Variants in STX17 observed in about 807,000 individuals in gnomAD.
STX17 encodes syntaxin 17.
A neutral mutation model predicts 35.9 loss-of-function variants in STX17; 29 were observed. The observed-to-expected ratio is 0.81, with a 90% CI of 0.60 to 1.10. The LOEUF is 1.10. Ranked by LOEUF, STX17 falls within the 50% of genes least tolerant of loss-of-function variation. The pLI, the probability that STX17 is intolerant of heterozygous loss-of-function variation, is 0.00. For missense variants in STX17, 312 were observed against 352.3 expected (o/e 0.89, Z 0.92); for synonymous variants, 92 against 118.3 (o/e 0.78, Z 1.44).
chr9:99,936,394 G>A (rs1198785529), intron 3 of STX17, among the ~76,000 whole-genome samples: 1 of 152,126 alleles, frequency 6.6e-6, no homozygotes, highest in East Asian at 1.9e-4. Flanking sequence ...AATTAAGTCT[G>A]TAATGGTATC....
chr9:99,937,516 G>T (rs1037491247), intron 3 of STX17, among the ~76,000 whole-genome samples: 2 of 152,174 alleles, frequency 1.3e-5, no homozygotes, highest in African/African-American at 4.8e-5. Flanking sequence ...CTTAACAGCA[G>T]TGTCTAGTCT....
chr9:99,926,009 T>C (rs1828978397), intron 2 of STX17, among the ~76,000 whole-genome samples: 1 of 152,092 alleles, frequency 6.6e-6, no homozygotes, highest in African/African-American at 2.4e-5. Flanking sequence ...TTAATTTATT[T>C]TCAACTTATT....
intron 2 of STX17, among the ~76,000 whole-genome samples, chr9:99,927,880 T>C (rs1053535524): frequency 2.6e-4 from 40 of 152,236 alleles, no homozygotes; most frequent in African/African-American, 9.6e-4. Flanking sequence ...TTTACCAAAT[T>C]TTAAGAATGT....
chr9:99,954,355 A>G (rs147539948), intron 4 of STX17, among the ~76,000 whole-genome samples: 143 of 152,198 alleles, frequency 9.4e-4, no homozygotes, highest in African/African-American at 3.1e-3. Context: ...ACATAAAGCA[A>G]TTAAAAAACT....
chr9:99,911,062 G>A (rs1471474530), intron 1 of STX17, among the ~76,000 whole-genome samples: 1 of 150,776 alleles, frequency 6.6e-6, no homozygotes, highest in Non-Finnish European at 1.5e-5. Context: ...CCTAGACGGA[G>A]TCTCGCTCTG....
At chr9:99,922,661 C>G (rs1354724654) in intron 2 of STX17, among the ~76,000 whole-genome samples, 1 of 152,196 alleles carries the variant, frequency 6.6e-6, no homozygotes, top group East Asian at 1.9e-4. Context: ...CCTGTGGAGA[C>G]AGCAACTTGC....
intron 1 of STX17, among the ~76,000 whole-genome samples, chr9:99,911,748 T>C (rs1471199457): frequency 1.3e-5 from 2 of 152,076 alleles, no homozygotes; most frequent in Admixed American, 1.3e-4. Flanking sequence ...AGCTAATTTT[T>C]AAATTTTTCA....
chr9:99,941,641 G>T (rs980171772), intron 3 of STX17, among the ~76,000 whole-genome samples: 2 of 152,116 alleles, frequency 1.3e-5, no homozygotes, highest in African/African-American at 2.4e-5. Flanking sequence ...CCTGCAAAAA[G>T]AATCACTATC....
intron 6 of STX17, chr9:99,967,205 C>A: frequency 6.1e-6 from 1 of 164,900 alleles, no homozygotes; most frequent in East Asian, 1.7e-4. Context: ...GGACCAAGGG[C>A]ATTTTACTCC....
intron 3 of STX17, 48 bp downstream of exon 3, chr9:99,928,891 CTT>C (rs780478741): frequency 1.5e-5 from 24 of 1,562,764 alleles, no homozygotes; most frequent in Non-Finnish European, 1.8e-5. Flanking sequence ...AAAAGACAGT[CTT>C]AAGACAATTT....
intron 4 of STX17, among the ~76,000 whole-genome samples, chr9:99,956,146 CTGTT>C (rs776500930): frequency 1.3e-4 from 20 of 151,834 alleles, no homozygotes; most frequent in Middle Eastern, 3.4e-3. Context: ...TTCTAAGACT[CTGTT>C]TGAACTAAGA....
intron 3 of STX17, among the ~76,000 whole-genome samples, chr9:99,943,538 A>G (rs1240542757): frequency 1.3e-5 from 2 of 152,120 alleles, no homozygotes; most frequent in Non-Finnish European, 2.9e-5. Flanking sequence ...CGAACTCCTG[A>G]CCTCAAATGA....
Position 99,971,098 on chromosome 9 carries a change from A to G in STX17, c.*2425A>G, listed in dbSNP as rs1222515815. 6.6e-6 allele frequency among the ~76,000 whole-genome samples: 1 copy of G among 152,236 alleles called. No homozygotes were observed. The highest frequency in any genetic ancestry group is 1.5e-5 in the Non-Finnish European group (1 of 68,040). The stretch of plus-strand genomic sequence containing the variant: ...AGAGTTTGATCAACTATAAATGATA[A>G]AGTGTTTATAAGCATAGTCAGTGTG... On this transcript the variant is annotated 3_prime_UTR_variant, in exon 8 of 8. Transcript: ENST00000259400.
intron 3 of STX17, chr9:99,929,066 C>CCTG: frequency 7.6e-6 from 3 of 396,252 alleles, no homozygotes; most frequent in South Asian, 8.9e-5. Flanking sequence ...CAGACTTATA[C>CCTG]TCTCACAAGC....
At chr9:99,915,064 G>C in intron 1 of STX17, 114 bp from the exon 2 acceptor site, 1 of 592,978 alleles carries the variant, frequency 1.7e-6, no homozygotes, top group Non-Finnish European at 2.5e-6. Context: ...CTCAAGGTCA[G>C]CATTAGAAAT....
At chr9:99,920,106 G>C (rs959515029) in intron 2 of STX17, among the ~76,000 whole-genome samples, 1 of 152,098 alleles carries the variant, frequency 6.6e-6, no homozygotes, top group Non-Finnish European at 1.5e-5. Flanking sequence ...TTCAAGATAG[G>C]CAAGCCTCAG....
rs1281208070 is a variant in STX17, at chr9:99,967,733, A to C, written c.663A>C (p.Leu221Phe). 1 of 1,613,802 alleles carries C rather than the reference A, an allele frequency of 6.2e-7. No individual in the cohort carries two copies. Among genetic ancestry groups the C allele is most frequent in the Non-Finnish European group, 8.5e-7 (1 of 1,179,756 alleles). ...AVNVEEGTKN[L>F]GKAAKYKLAA... Reference sequence around the variant, plus strand: ...ATGTTGAAGAGGGAACCAAAAACTTAGGGAAGGTAAGATTCTGCTCCTGCT... The same window carrying C: ...ATGTTGAAGAGGGAACCAAAAACTTCGGGAAGGTAAGATTCTGCTCCTGCT... Residue 221 changes from leucine (L) to phenylalanine (F), a missense_variant, in exon 7 of 8, where the codon TTA becomes TTC. Transcript: ENST00000259400.
chr9:99,925,152 TA>T (rs1386700772), intron 2 of STX17, among the ~76,000 whole-genome samples: 3 of 152,112 alleles, frequency 2.0e-5, no homozygotes, highest in Non-Finnish European at 4.4e-5. Flanking sequence ...TTTTATTTTT[TA>T]TTTTTTTAGT....
chr9:99,963,756 C>T (rs1236112162), intron 6 of STX17, among the ~76,000 whole-genome samples: 1 of 152,160 alleles, frequency 6.6e-6, no homozygotes, highest in Non-Finnish European at 1.5e-5. Context: ...CTGTTAGCAA[C>T]ATCCTACTTA....
Sources: gnomAD v4.1 joint callset for allele counts (sites outside exome capture counted in the v4.1 genomes callset) on GRCh38, gnomAD v4.1.1 for gene constraint, MANE v1.5 for transcripts, NCBI Gene and HGNC (gene_info 2026-07-23, HGNC 2026-07-21) for gene names.